PEAK1: variants seen among roughly 807,000 people sequenced by gnomAD.
The protein encoded by PEAK1 is inactive tyrosine-protein kinase PEAK1.
Under a neutral mutation model 124.7 loss-of-function variants are expected in PEAK1, and 54 were observed. The observed-to-expected ratio is 0.43, with a 90% CI of 0.35 to 0.54. The LOEUF is 0.54. Among genes scored for constraint, PEAK1 ranks in the 20% least tolerant of loss-of-function variants. The pLI is 0.01. For missense variants in PEAK1, 2,046 were observed against 2,134.5 expected (o/e 0.96, Z 0.82); for synonymous variants, 719 against 760.0 (o/e 0.95, Z 0.89).
chr15:77,124,424 T>G (rs963918966), intron 9 of PEAK1, among the ~76,000 whole-genome samples: 2 of 152,222 alleles, frequency 1.3e-5, no homozygotes, highest in Non-Finnish European at 2.9e-5. Flanking sequence ...CATAACCCAT[T>G]GAGATCTCAT....
chr15:77,171,515 G>T (rs181558580), intron 7 of PEAK1, among the ~76,000 whole-genome samples: 5 of 152,108 alleles, frequency 3.3e-5, no homozygotes, highest in African/African-American at 4.8e-5. Context: ...GAGAGAATAC[G>T]ATAGGCTGGA....
chr15:77,344,964 A>G (rs1322974622), intron 2 of PEAK1, among the ~76,000 whole-genome samples: 1 of 152,222 alleles, frequency 6.6e-6, no homozygotes, highest in African/African-American at 2.4e-5. Context: ...GGTTTTCTAC[A>G]TATAAGATCA....
In PEAK1 at chr15:77,297,246, G is replaced by A. The variant is rs536036987; in HGVS notation, c.-602-10742C>T. 3.4e-3 allele frequency among the ~76,000 whole-genome samples: 512 copies of A among 152,006 alleles called. 4 individuals carry two copies. Among genetic ancestry groups the A allele is most frequent in the Middle Eastern group, 6.8e-3 (2 of 294 alleles). ...CACAGAAAAAAGCATATGTTTCATAGCAGCTACTTTAAAATCAATGTTTTC... is the reference window on the plus strand; with the variant it reads ...CACAGAAAAAAGCATATGTTTCATAACAGCTACTTTAAAATCAATGTTTTC... On this transcript the variant is annotated intron_variant, in intron 2 of 9. Coordinates refer to ENST00000682557, the MANE Select transcript of PEAK1 (RefSeq NM_001385026.1).
chr15:77,355,665 G>C, intron 2 of PEAK1: 1 of 722,744 alleles, frequency 1.4e-6, no homozygotes, highest in Non-Finnish European at 1.7e-6. Flanking sequence ...CTACAGACCT[G>C]GCATGGAAGA....
At chr15:77,224,069 A>C (rs1043442937) in intron 6 of PEAK1, among the ~76,000 whole-genome samples, 1 of 151,658 alleles carries the variant, frequency 6.6e-6, no homozygotes, top group Non-Finnish European at 1.5e-5. Flanking sequence ...GTTATTCTTT[A>C]TCTCTCATAA....
In PEAK1 at chr15:77,302,768, CTAAA is replaced by C. The variant is rs974939457; in HGVS notation, c.-602-16268_-602-16265del. 4.9e-3 allele frequency among the ~76,000 whole-genome samples: 747 copies of C among 152,258 alleles called. 14 individuals are homozygous for C. Among genetic ancestry groups the C allele is most frequent in the African/African-American group, 0.017 (711 of 41,546 alleles). On this transcript the variant is annotated intron_variant, in intron 2 of 9. Transcript: ENST00000682557. ...ATTCCATCCTGGAAACTCTGACCTC[CTAAA>C]TAAGTTTTCAAAAATTTGTACACAT...
At position 77,165,356 on chromosome 15, in the gene PEAK1, G is replaced by A. The variant is rs556563031; in HGVS notation, c.3138-6660C>T. Among the ~76,000 whole-genome samples the A allele has an allele frequency of 5.9e-5, 9 of 152,038 alleles. No individual in the cohort carries two copies. In the South Asian group the frequency reaches 6.3e-4, roughly 11 times the overall value. ...ACTACAGGTGCCTGCCACCATGCCCGGCTAATTATTTTGTATTTTTAGTAG... is the reference window on the plus strand; with the variant it reads ...ACTACAGGTGCCTGCCACCATGCCCAGCTAATTATTTTGTATTTTTAGTAG... On this transcript the variant is annotated intron_variant, in intron 7 of 9. Coordinates refer to ENST00000682557, the MANE Select transcript of PEAK1 (RefSeq NM_001385026.1).
At chr15:77,412,794 C>T (rs1353456784) in intron 1 of PEAK1, among the ~76,000 whole-genome samples, 1 of 151,796 alleles carries the variant, frequency 6.6e-6, no homozygotes, top group Admixed American at 6.6e-5. Flanking sequence ...GAAAAAAAAA[C>T]AAGATGAACC....
At chr15:77,419,207 G>A (rs2073145730) in intron 1 of PEAK1, 2 of 985,358 alleles carry the variant, frequency 2.0e-6, no homozygotes, top group African/African-American at 1.7e-5. Flanking sequence ...GGCAGGCGGG[G>A]GAGGAGGGTC....
At position 77,360,790 on chromosome 15, in the gene PEAK1, C is replaced by CAT. The variant is rs886331852; in HGVS notation, c.-603+4371_-603+4372dup. ...TTATATTATATGTAATATAAATAAACATATATATACAAATAACCTAATTTT... is the reference window on the plus strand; with the variant it reads ...TTATATTATATGTAATATAAATAAACATATATATATACAAATAACCTAATTTT... On this transcript the variant is annotated intron_variant, in intron 2 of 9. Transcript: ENST00000682557. Among the ~76,000 whole-genome samples, 11 of 151,458 alleles carry CAT rather than the reference C, an allele frequency of 7.3e-5. No individual in the cohort carries two copies. The South Asian group carries it at 1.7e-3, about 23-fold the overall frequency.
intron 1 of PEAK1, among the ~76,000 whole-genome samples, chr15:77,397,988 C>T (rs138124259): frequency 0.023 from 3,437 of 152,260 alleles, 109 homozygotes; most frequent in African/African-American, 0.072. Flanking sequence ...TCGCTTGAAC[C>T]CAGGAGGCGG....
intron 6 of PEAK1, among the ~76,000 whole-genome samples, chr15:77,226,836 C>T (rs1359633943): frequency 6.6e-5 from 10 of 152,180 alleles, no homozygotes; most frequent in Non-Finnish European, 1.5e-4. Context: ...AACGTATTAC[C>T]ACCCCTATTT....
chr15:77,379,438 A>G (rs1464211161), intron 1 of PEAK1, among the ~76,000 whole-genome samples: 1 of 152,204 alleles, frequency 6.6e-6, no homozygotes, highest in Non-Finnish European at 1.5e-5. Flanking sequence ...GTTGAATACA[A>G]TGTAACAAAA....
chr15:77,396,048 C>G (rs1021470019), intron 1 of PEAK1, among the ~76,000 whole-genome samples: 30 of 151,990 alleles, frequency 2.0e-4, no homozygotes, highest in Middle Eastern at 3.4e-3. Flanking sequence ...ACAGAAACAA[C>G]AGAAAGTTAA....
chr15:77,417,906 A>T (rs773910823), intron 1 of PEAK1: 2 of 982,646 alleles, frequency 2.0e-6, no homozygotes, highest in Non-Finnish European at 2.4e-6. Context: ...GTATGCAAAT[A>T]AGCAAATAAA....
chr15:77,206,620 GTCT>G (rs2058672500), intron 6 of PEAK1, among the ~76,000 whole-genome samples: 1 of 151,508 alleles, frequency 6.6e-6, no homozygotes, highest in South Asian at 2.1e-4. Context: ...CTGCATAAAT[GTCT>G]TCTTTTGAGA....
intron 1 of PEAK1, among the ~76,000 whole-genome samples, chr15:77,414,116 C>A (rs2072637499): frequency 1.1e-5 from 1 of 94,822 alleles, no homozygotes; most frequent in Non-Finnish European, 2.8e-5. Context: ...AGCCACCACA[C>A]CCAGCCTGCA....
chr15:77,355,998 AC>A (rs2067494606), intron 2 of PEAK1: 2 of 935,584 alleles, frequency 2.1e-6, no homozygotes, highest in Non-Finnish European at 2.5e-6. Context: ...GAGAAAAAGA[AC>A]TACTAAAGTT....
chr15:77,250,726 C>A (rs1471876114), intron 6 of PEAK1, among the ~76,000 whole-genome samples: 1 of 152,116 alleles, frequency 6.6e-6, no homozygotes, highest in East Asian at 1.9e-4. Flanking sequence ...TGCCACTGCA[C>A]CTGGCCTAAT....
Sources: allele counts gnomAD v4.1 joint callset (sites outside exome capture counted in the v4.1 genomes callset), GRCh38; gene constraint gnomAD v4.1.1; transcripts MANE v1.5; gene names NCBI Gene and HGNC (gene_info 2026-07-23, HGNC 2026-07-21).